PPAT: variants seen among roughly 807,000 people sequenced by gnomAD.
PPAT encodes the protein phosphoribosyl pyrophosphate amidotransferase.
In PPAT, 20 loss-of-function variants were observed where a neutral mutation model predicts 60.2. The ratio of observed to expected loss-of-function variants is 0.33; its 90% CI spans 0.23 to 0.48. PPAT has a LOEUF of 0.48. PPAT is among the 20% of genes least tolerant of loss of function. PPAT has a pLI of 0.99. For synonymous variants in PPAT, 194 were observed against 215.1 expected (o/e 0.90, Z 0.86); for missense variants, 349 against 629.6 (o/e 0.55, Z 4.77).
rs773988670 is a variant in PPAT, at chr4:56,396,701, T to A, written c.1275A>T (p.Pro425=). ...IRVASPPIKY[P]CFMGINIPTK... ...TAGGAATGTTTATTCCCATGAAGCA[T>A]GGATATTTAATTGGTGGTGAAGCTA... is the stretch of plus-strand genomic sequence containing the variant. The change falls in exon 10 of 11, where the codon CCA becomes CCT. Residue 425 remains proline, a synonymous_variant. Coordinates refer to ENST00000264220, the MANE Select transcript of PPAT (RefSeq NM_002703.5). This position sits in a 1 kb window ranked among gnomAD's most constrained non-coding sequence, Gnocchi z 4.6. 6.2e-7 allele frequency: 1 copy of A among 1,611,968 alleles called. No individual in the cohort carries two copies. Among genetic ancestry groups the A allele is most frequent in the African/African-American group, 1.3e-5 (1 of 74,866 alleles).
chr4:56,432,323 T>C (rs1372961063), intron 1 of PPAT, among the ~76,000 whole-genome samples: 1 of 151,002 alleles, frequency 6.6e-6, no homozygotes, highest in Non-Finnish European at 1.5e-5. Flanking sequence ...AGGCCAGGAG[T>C]TCAAGACCAG....
At chr4:56,428,336 G>A (rs1280253865) in intron 1 of PPAT, among the ~76,000 whole-genome samples, 2 of 152,180 alleles carry the variant, frequency 1.3e-5, no homozygotes, top group Non-Finnish European at 2.9e-5. Flanking sequence ...AGTGAGGTCA[G>A]AGCATTGATA....
intron 1 of PPAT, among the ~76,000 whole-genome samples, chr4:56,428,137 T>C (rs1052759259): frequency 6.6e-6 from 1 of 152,270 alleles, no homozygotes; most frequent in African/African-American, 2.4e-5. Flanking sequence ...ATATTGAAGT[T>C]ATTATTGTAT....
At chr4:56,426,115 C>T (rs1375051160) in intron 1 of PPAT, among the ~76,000 whole-genome samples, 4 of 152,096 alleles carry the variant, frequency 2.6e-5, no homozygotes, top group African/African-American at 9.7e-5. Flanking sequence ...AAAGAAATCC[C>T]GTATCTGCCA....
At chr4:56,403,477 A>G (rs1716169463) in intron 3 of PPAT, 76 bp from the exon 4 acceptor site, 20 of 1,053,802 alleles carry the variant, frequency 1.9e-5, no homozygotes, top group Non-Finnish European at 1.2e-5. Context: ...GCCAACCATA[A>G]TGAAAATAAG....
intron 3 of PPAT, among the ~76,000 whole-genome samples, chr4:56,404,963 A>G (rs1312913968): frequency 1.7e-4 from 26 of 152,168 alleles, no homozygotes; most frequent in Non-Finnish European, 5.9e-5. Context: ...CTATTACTAA[A>G]TATCACCAGG....
rs1451544707 is a variant in PPAT at position 56,403,327 on chromosome 4, AG to A, written c.476del (p.Pro159LeufsTer12). 3 of 1,613,974 alleles carry A rather than the reference AG, an allele frequency of 1.9e-6. No individual in the cohort carries two copies. Among genetic ancestry groups the A allele is most frequent in the Non-Finnish European group, 2.5e-6 (3 of 1,179,848 alleles). Reference sequence around the variant, plus strand: ...CTGGGGTGTCATCTTGTTCCTGAGGAGGGGTATACGCCAGTAACTGGGTAAT... The same window carrying A: ...CTGGGGTGTCATCTTGTTCCTGAGGAGGGTATACGCCAGTAACTGGGTAAT... Reference protein sequence around the residue: ...EMITQLLAYTPPQEQDDTPDW... With the variant: ...EMITQLLAYTXPQEQDDTPDW... On this transcript the variant is annotated frameshift_variant, in exon 4 of 11. Transcript: ENST00000264220. LOFTEE classifies it high-confidence loss of function.
intron 5 of PPAT, among the ~76,000 whole-genome samples, chr4:56,402,502 A>G (rs1716137532): frequency 6.6e-6 from 1 of 152,148 alleles, no homozygotes; most frequent in South Asian, 2.1e-4. Context: ...AAAAATAGGA[A>G]TCTCTATTAA....
chr4:56,413,954 C>T (rs1487574974), intron 1 of PPAT, among the ~76,000 whole-genome samples: 7 of 152,120 alleles, frequency 4.6e-5, no homozygotes, highest in African/African-American at 1.2e-4. Flanking sequence ...GAAACAATGG[C>T]CTATAATGAT....
At position 56,394,216 on chromosome 4, in the gene PPAT, A is replaced by C. The variant is rs1455557794; in HGVS notation, c.*1136T>G. On this transcript the variant is annotated 3_prime_UTR_variant, in exon 11 of 11. Transcript: ENST00000264220. ...CATTAGATCTTAATATAGTAGAAAAAAGTGATTATAAGATGATACTTGGAC... is the reference window on the plus strand; with the variant it reads ...CATTAGATCTTAATATAGTAGAAAACAGTGATTATAAGATGATACTTGGAC... 2 of 152,164 alleles carry C rather than the reference A, an allele frequency of 1.3e-5. No homozygotes were observed. Among genetic ancestry groups the C allele is most frequent in the Non-Finnish European group, 2.9e-5 (2 of 68,030 alleles). The allele number at this position is 152,164 out of a possible 1,614,324, so 9.4% of individuals were successfully genotyped here. A position where few individuals can be genotyped will look rare whatever the true frequency, so the allele number is the denominator to read the frequency against.
In PPAT at chr4:56,403,034, T is replaced by G. The variant is rs1384138401; in HGVS notation, c.661+6A>C. The G allele has an allele frequency of 1.3e-6, 2 of 1,593,806 alleles. No homozygotes were observed. Among genetic ancestry groups the G allele is most frequent in the Non-Finnish European group, 8.5e-7 (1 of 1,172,154 alleles). Reference sequence around the variant, plus strand: ...ATGAAATGATATTCCTTCTAAAGTTTATTACCTTTGTCATTTATATCAGAC... The same window carrying G: ...ATGAAATGATATTCCTTCTAAAGTTGATTACCTTTGTCATTTATATCAGAC... On this transcript the variant is annotated splice_donor_region_variant and intron_variant, in intron 5 of 10. Transcript: ENST00000264220.
rs2110041342 is a variant in PPAT, at chr4:56,407,735, A to G, written c.129-19T>C. 1 of 1,570,910 alleles carries G rather than the reference A, an allele frequency of 6.4e-7. No individual in the cohort carries two copies. The highest frequency in any genetic ancestry group is 2.2e-5 in the East Asian group (1 of 44,696). ...CTGACCCCTGTGAATATAAAAAGAT[A>G]TTAGCTGTTAAATCTGCCAATTGAT... On this transcript the variant is annotated intron_variant, in intron 1 of 10. Transcript: ENST00000264220.
At chr4:56,409,438 C>T (rs1376744388) in intron 1 of PPAT, among the ~76,000 whole-genome samples, 2 of 151,602 alleles carry the variant, frequency 1.3e-5, no homozygotes, top group African/African-American at 2.4e-5. Flanking sequence ...CAAATGTTCT[C>T]CAATAAATAG....
chr4:56,421,093 G>A (rs1717015888), intron 1 of PPAT: 1 of 152,272 alleles, frequency 6.6e-6, no homozygotes, highest in Admixed American at 6.5e-5. Context: ...ATTATGACCT[G>A]AGCTCCGCGA....
At chr4:56,412,055 A>G (rs1284973344) in intron 1 of PPAT, among the ~76,000 whole-genome samples, 2 of 152,194 alleles carry the variant, frequency 1.3e-5, no homozygotes, top group African/African-American at 4.8e-5. Context: ...AGTGCTTTAA[A>G]TATTGATTAA....
chr4:56,401,300 T>G lies in PPAT; in HGVS notation c.886+30A>C, dbSNP rs768519796. Reference sequence around the variant, plus strand: ...CAAGGAGATAGCTAAAACATTTATATGAATGTTCAAAGAAAAGAAATCTAC... The same window carrying G: ...CAAGGAGATAGCTAAAACATTTATAGGAATGTTCAAAGAAAAGAAATCTAC... On this transcript the variant is annotated intron_variant, in intron 7 of 10. Coordinates refer to ENST00000264220, the MANE Select transcript of PPAT (RefSeq NM_002703.5). The G allele has an allele frequency of 4.5e-6, 7 of 1,538,726 alleles. No homozygotes were observed. The Admixed American group carries it at 8.3e-5, about 18-fold the overall frequency.
chr4:56,417,612 G>T (rs1344551117), intron 1 of PPAT, among the ~76,000 whole-genome samples: 1 of 151,968 alleles, frequency 6.6e-6, no homozygotes, highest in Non-Finnish European at 1.5e-5. Flanking sequence ...GAGACCCCAT[G>T]CCTAAAAAAA....
chr4:56,428,628 T>C (rs114760870), intron 1 of PPAT, among the ~76,000 whole-genome samples: 306 of 152,202 alleles, frequency 2.0e-3, no homozygotes, highest in African/African-American at 7.1e-3. Flanking sequence ...GGAATTGACA[T>C]TAACAAAAAA....
intron 4 of PPAT, 48 bp downstream of exon 4, chr4:56,403,240 CA>C: frequency 6.3e-7 from 1 of 1,596,970 alleles, no homozygotes; most frequent in Non-Finnish European, 8.6e-7. Flanking sequence ...ATATGCAAGG[CA>C]AAACTCTCCT....
Sources: allele counts gnomAD v4.1 joint callset (sites outside exome capture counted in the v4.1 genomes callset), GRCh38; gene constraint gnomAD v4.1.1; non-coding constraint Gnocchi (gnomAD v3.1); transcripts MANE v1.5; gene names NCBI Gene and HGNC (gene_info 2026-07-23, HGNC 2026-07-21).